TRAK1: variants seen among roughly 807,000 people sequenced by gnomAD.
The protein encoded by TRAK1 is trafficking kinesin-binding protein 1.
TRAK1 carries 33 observed loss-of-function variants against 92.1 expected under a neutral mutation model. That is an observed-to-expected ratio of 0.36 (90% CI 0.27 to 0.48). TRAK1 has a LOEUF of 0.48. TRAK1 is among the 20% of genes least tolerant of loss of function. The probability of loss-of-function intolerance (pLI) is 0.99; values close to 1 mark genes in which losing one functional copy is unlikely to be tolerated. For synonymous variants in TRAK1, 521 were observed against 517.3 expected (o/e 1.01, Z -0.10); for missense variants, 1,123 against 1,257.9 (o/e 0.89, Z 1.62).
At chr3:42,165,019 T>C (rs768072612) in intron 2 of TRAK1, among the ~76,000 whole-genome samples, 2 of 152,194 alleles carry the variant, frequency 1.3e-5, no homozygotes, top group Non-Finnish European at 2.9e-5. Context: ...AGCCTGACTT[T>C]GTAATTTCTT....
At chr3:42,171,618 C>T (rs1234967761) in intron 2 of TRAK1, among the ~76,000 whole-genome samples, 1 of 152,088 alleles carries the variant, frequency 6.6e-6, no homozygotes, top group Non-Finnish European at 1.5e-5. Flanking sequence ...CTGCTCCTTC[C>T]CACTTCTCCC....
chr3:42,039,776 G>C (rs12107271), intron 1 of TRAK1, among the ~76,000 whole-genome samples: 17,451 of 152,212 alleles, frequency 0.11, 3,097 homozygotes, highest in African/African-American at 0.37. Context: ...GGACAAAATT[G>C]TTGGTCATAG....
upstream of TRAK1, among the ~76,000 whole-genome samples, chr3:42,089,886 C>T (rs550355373): frequency 1.4e-4 from 22 of 152,274 alleles, no homozygotes; most frequent in South Asian, 3.5e-3. Flanking sequence ...CTGTGGCCAG[C>T]GCTCAGTGAA....
rs778344493 is a variant in TRAK1 at position 42,193,140 on chromosome 3, C to G, written c.835C>G (p.Arg279Gly). 1 of 1,614,106 alleles carries G rather than the reference C, an allele frequency of 6.2e-7. No homozygotes were observed. ...ELAKKTEDAARQQEEITHLLS... is the reference protein window; with the variant it reads ...ELAKKTEDAAGQQEEITHLLS... The stretch of plus-strand genomic sequence containing the variant: ...GGCCAAGAAGACGGAAGATGCTGCC[C>G]GCCAGCAAGAGGAGATCACACACCT... Residue 279 changes from arginine to glycine, a missense_variant, in exon 8 of 16, where the codon CGC becomes GGC. By Grantham distance (125) the Arg-to-Gly change is moderately radical. Coordinates refer to ENST00000327628, the MANE Select transcript of TRAK1 (RefSeq NM_001042646.3).
intron 13 of TRAK1, chr3:42,203,659 C>G (rs1707978235): frequency 2.0e-6 from 2 of 985,200 alleles, no homozygotes; most frequent in Non-Finnish European, 2.4e-6. Context: ...CTGTGTTACA[C>G]TTACGATGCA....
intron 1 of TRAK1, among the ~76,000 whole-genome samples, chr3:42,049,814 TTC>T (rs1008383531): frequency 6.6e-6 from 1 of 152,218 alleles, no homozygotes; most frequent in African/African-American, 2.4e-5. Flanking sequence ...ATACAGTGCC[TTC>T]TCTCTCTGAA....
intron 2 of TRAK1, among the ~76,000 whole-genome samples, chr3:42,157,488 A>AAAAAAAAAAAAAAAAAAAAAC (rs1700691837): frequency 6.9e-6 from 1 of 145,726 alleles, no homozygotes; most frequent in Non-Finnish European, 1.5e-5. Context: ...AAAAAAAAAA[A>AAAAAAAAAAAAAAAAAAAAAC]AGGTTAACAT....
chr3:42,031,454 G>A (rs1163204840), intron 1 of TRAK1, among the ~76,000 whole-genome samples: 7 of 151,690 alleles, frequency 4.6e-5, no homozygotes, highest in East Asian at 2.0e-4. Context: ...GCAACATAGC[G>A]AGACCCCCAT....
At chr3:42,219,784 GTGTT>G in intron 15 of TRAK1, among the ~76,000 whole-genome samples, 188 bp downstream of exon 15, 1 of 80,996 alleles carries the variant, frequency 1.2e-5, no homozygotes, top group African/African-American at 5.9e-5. Context: ...TTGTTGTTAT[GTGTT>G]TTTTTTTTTT....
At chr3:42,219,792 T>TTG (rs1163400093) in intron 15 of TRAK1, among the ~76,000 whole-genome samples, 196 bp downstream of exon 15, 1,473 of 137,434 alleles carry the variant, frequency 0.011, 56 homozygotes, top group African/African-American at 0.039. Flanking sequence ...ATGTGTTTTT[T>TTG]TTTTTTTTTT....
intron 10 of TRAK1, 104 bp from the exon 11 acceptor site, chr3:42,199,073 T>A: frequency 8.9e-7 from 1 of 1,125,182 alleles, no homozygotes; most frequent in South Asian, 1.3e-5. Context: ...GAGCTTCTGA[T>A]GCCTTGGTTT....
intron 1 of TRAK1, among the ~76,000 whole-genome samples, chr3:42,050,237 C>A (rs911534508): frequency 1.3e-5 from 2 of 152,078 alleles, no homozygotes; most frequent in Non-Finnish European, 2.9e-5. Flanking sequence ...ATTTACAATC[C>A]ATTCTCAATC....
chr3:42,024,738 A>G (rs1385799123), intron 1 of TRAK1, among the ~76,000 whole-genome samples: 1 of 152,224 alleles, frequency 6.6e-6, no homozygotes, highest in Non-Finnish European at 1.5e-5. Context: ...TCATGCTTGC[A>G]TACACACCCA....
chr3:42,109,183 A>G (rs747560713), intron 1 of TRAK1, among the ~76,000 whole-genome samples: 38 of 152,224 alleles, frequency 2.5e-4, no homozygotes, highest in Non-Finnish European at 3.7e-4. Context: ...TAGGAGGATT[A>G]AATGAGTTAA....
intron 2 of TRAK1, among the ~76,000 whole-genome samples, chr3:42,158,971 AAT>A (rs1700904137): frequency 7.8e-6 from 1 of 128,610 alleles, no homozygotes; most frequent in Non-Finnish European, 1.5e-5. Flanking sequence ...AAATAATAAT[AAT>A]AATAATAATA....
At chr3:42,210,771 C>A in intron 14 of TRAK1, 1 of 985,436 alleles carries the variant, frequency 1.0e-6, no homozygotes, top group Non-Finnish European at 1.2e-6. Flanking sequence ...CCAAATAAAC[C>A]TTCGGAGAAC....
rs1418616638 is a variant in TRAK1 at position 42,209,618 on chromosome 3, A to AAGTTCCCGCTGC, written c.1745-145_1745-134dup. 4.2e-5 allele frequency: 30 copies of AAGTTCCCGCTGC among 718,092 alleles called. No individual in the cohort carries two copies. The African/African-American group carries it at 4.6e-4, about 11-fold the overall frequency. 44.5% of individuals were successfully genotyped at this position (718,092 alleles called of 1,614,324 possible). Reference sequence around the variant, plus strand: ...AGGAAGGGCTAAGGCGGCTCCACTGAAGTTCCCGCTGCAGTCCACCTGGAG... The same window carrying AAGTTCCCGCTGC: ...AGGAAGGGCTAAGGCGGCTCCACTGAAGTTCCCGCTGCAGTTCCCGCTGCAGTCCACCTGGAG... On this transcript the variant is annotated intron_variant, in intron 13 of 15. Coordinates refer to ENST00000327628, the MANE Select transcript of TRAK1 (RefSeq NM_001042646.3).
rs751095748 is a variant in TRAK1 at position 42,222,996 on chromosome 3, G to A, written c.2121G>A (p.Thr707=). 7.4e-6 allele frequency: 12 copies of A among 1,613,926 alleles called. No individual in the cohort carries two copies. In the Admixed American group the frequency reaches 8.3e-5, roughly 11 times the overall value. The change falls in exon 16 of 16, where the codon ACG becomes ACA. Residue 707 remains threonine (T), a synonymous_variant. Coordinates refer to ENST00000327628, the MANE Select transcript of TRAK1 (RefSeq NM_001042646.3). The part of the protein sequence containing the change: ...ACGSTSHLKS[T]PVATPCTPRR... The stretch of plus-strand genomic sequence containing the variant: ...GCAGCACCAGCCACTTGAAATCCAC[G>A]CCGGTGGCCACACCATGCACTCCAC...
chr3:42,056,717 A>T (rs1703219505), intron 1 of TRAK1, among the ~76,000 whole-genome samples: 1 of 152,174 alleles, frequency 6.6e-6, no homozygotes, highest in African/African-American at 2.4e-5. Context: ...GTGCAACATA[A>T]AAGTATGCAT....
Sources: gnomAD v4.1 joint callset for allele counts (sites outside exome capture counted in the v4.1 genomes callset) on GRCh38, gnomAD v4.1.1 for gene constraint, MANE v1.5 for transcripts, NCBI Gene and HGNC (gene_info 2026-07-23, HGNC 2026-07-21) for gene names.